Variants in TMEM132B observed in about 807,000 individuals in gnomAD.
TMEM132B encodes the protein transmembrane protein 132B.
A neutral mutation model predicts 90.8 loss-of-function variants in TMEM132B; 18 were observed. The ratio of observed to expected loss-of-function variants is 0.20; its 90% CI spans 0.14 to 0.29. The LOEUF is 0.29. Among genes scored for constraint, TMEM132B ranks in the 10% least tolerant of loss-of-function variants. The pLI, the probability that TMEM132B is intolerant of heterozygous loss-of-function variation, is 1.00. For synonymous variants in TMEM132B, 504 were observed against 523.3 expected, an observed-to-expected ratio of 0.96 and a Z score of 0.50; for missense variants, 1,096 against 1,326.8, an observed-to-expected ratio of 0.83 and a Z score of 2.70.
At chr12:125,316,540 T>A (rs1257389326) in intron 1 of TMEM132B, among the ~76,000 whole-genome samples, 1 of 46,438 alleles carries the variant, frequency 2.2e-5, no homozygotes, top group Non-Finnish European at 3.7e-5. Context: ...AGAGAGGTCC[T>A]ATGTACCTTT....
At chr12:125,637,406 G>A (rs898802667) in intron 5 of TMEM132B, among the ~76,000 whole-genome samples, 5 of 152,182 alleles carry the variant, frequency 3.3e-5, no homozygotes, top group Non-Finnish European at 5.9e-5. Flanking sequence ...TTTTGCCAAG[G>A]TTAAGGACAT....
chr12:125,489,441 C>T (rs1202410701), intron 3 of TMEM132B, among the ~76,000 whole-genome samples: 4 of 151,896 alleles, frequency 2.6e-5, no homozygotes, highest in Non-Finnish European at 5.9e-5. Context: ...GGGTGTCTCA[C>T]TCTTTTGCCC....
At chr12:125,418,340 T>C (rs403592) in intron 3 of TMEM132B, among the ~76,000 whole-genome samples, 5,078 of 152,198 alleles carry the variant, frequency 0.033, 307 homozygotes, top group African/African-American at 0.12. Context: ...ACTCTCACAT[T>C]GTCTCATAAA....
intron 1 of TMEM132B, among the ~76,000 whole-genome samples, chr12:125,245,006 C>T (rs918190114): frequency 3.3e-5 from 5 of 152,176 alleles, no homozygotes; most frequent in African/African-American, 9.7e-5. Flanking sequence ...TCCCAGACAT[C>T]AGTCAGCACC....
chr12:125,221,136 G>T (rs1873547610), intron 1 of TMEM132B, among the ~76,000 whole-genome samples: 1 of 152,196 alleles, frequency 6.6e-6, no homozygotes, highest in South Asian at 2.1e-4. Context: ...TTTCTGTCCA[G>T]CTGATGTGAC....
intron 3 of TMEM132B, among the ~76,000 whole-genome samples, chr12:125,452,606 A>C (rs1034770955): frequency 7.9e-5 from 12 of 152,310 alleles, no homozygotes; most frequent in African/African-American, 2.4e-4. Context: ...GATGCATAGG[A>C]GTTCTCATTT....
rs765586148 is a variant in TMEM132B, at chr12:125,194,269, G to GC, written c.67+7403_67+7404insC. On this transcript the variant is annotated intron_variant, in intron 1 of 8. Transcript: ENST00000682704. ...CGAGCCTGGTCTGAATTAACCCGTT[G>GC]GTGGGGGGGTCTTACTCATTGTGGC... is the stretch of plus-strand genomic sequence containing the variant. 6.3e-3 allele frequency among the ~76,000 whole-genome samples: 594 copies of GC among 93,886 alleles called. 5 individuals carry two copies. The highest frequency in any genetic ancestry group is 0.056 in the East Asian group (101 of 1,800). The allele number at this position is 93,886 out of a possible 152,430, so 61.6% of individuals were successfully genotyped here.
At chr12:125,269,676 C>T (rs11058107) in intron 1 of TMEM132B, among the ~76,000 whole-genome samples, 14,013 of 152,190 alleles carry the variant, frequency 0.092, 2,180 homozygotes, top group African/African-American at 0.32. Flanking sequence ...CGGAGCATGA[C>T]TGATCACTTA....
At chr12:125,195,209 G>C (rs1243530489) in intron 1 of TMEM132B, among the ~76,000 whole-genome samples, 1 of 151,994 alleles carries the variant, frequency 6.6e-6, no homozygotes, top group Non-Finnish European at 1.5e-5. Flanking sequence ...TGTCCGTGGT[G>C]CTGGGGATAT....
chr12:125,473,864 C>T (rs575517043), intron 3 of TMEM132B, among the ~76,000 whole-genome samples: 40 of 152,192 alleles, frequency 2.6e-4, no homozygotes, highest in African/African-American at 9.1e-4. Context: ...ATTTCTTTGC[C>T]TTAGCAAAGC....
intron 3 of TMEM132B, among the ~76,000 whole-genome samples, chr12:125,433,763 C>T (rs1880614622): frequency 6.8e-6 from 1 of 146,366 alleles, no homozygotes. Flanking sequence ...GGCACATATA[C>T]ACCATGGAAT....
chr12:125,270,406 CTTA>C (rs1471236151), intron 1 of TMEM132B, among the ~76,000 whole-genome samples: 1 of 152,122 alleles, frequency 6.6e-6, no homozygotes, highest in East Asian at 1.9e-4. Context: ...ATTTCCTGAA[CTTA>C]TTATGTTAAC....
At chr12:125,513,181 T>C (rs1403152894) in intron 3 of TMEM132B, among the ~76,000 whole-genome samples, 2 of 152,190 alleles carry the variant, frequency 1.3e-5, no homozygotes, top group Non-Finnish European at 2.9e-5. Context: ...CATGCTCCTC[T>C]GAGACCCGCT....
chr12:125,349,365 T>C lies in TMEM132B; in HGVS notation c.68-87T>C, dbSNP rs1877474214. 4 of 1,460,240 alleles carry C rather than the reference T, an allele frequency of 2.7e-6. No homozygotes were observed. Among genetic ancestry groups the C allele is most frequent in the Admixed American group, 2.2e-5 (1 of 45,054 alleles). The allele number at this position is 1,460,240 out of a possible 1,614,324, so 90.5% of individuals were successfully genotyped here. A position where few individuals can be genotyped will look rare whatever the true frequency, so the allele number is the denominator to read the frequency against. On this transcript the variant is annotated intron_variant, in intron 1 of 8. Coordinates refer to ENST00000682704, the MANE Select transcript of TMEM132B (RefSeq NM_001366854.1). This position sits in a 1 kb window ranked among gnomAD's most constrained non-coding sequence, Gnocchi z 4.1. ...GAAACAGTGGCCAGTGGGCGGTTTG[T>C]TGGGGAGGTGGGTGGAGACTGCACT...
chr12:125,316,747 G>C (rs1477074640), intron 1 of TMEM132B, among the ~76,000 whole-genome samples: 2 of 152,170 alleles, frequency 1.3e-5, no homozygotes, highest in Non-Finnish European at 2.9e-5. Context: ...GACACAAAGT[G>C]GGGGGCTGCA....
rs1398694212 is a variant in TMEM132B at position 125,653,800 on chromosome 12, G to A, written c.2342G>A (p.Ser781Asn). Residue 781 changes from serine (S) to asparagine (N), a missense_variant, in exon 9 of 9, where the codon AGT (serine) becomes AAT (asparagine). Physicochemically the swap from Ser to Asn is conservative, Grantham distance 46. Coordinates refer to ENST00000682704, the MANE Select transcript of TMEM132B (RefSeq NM_001366854.1). ...CCTTGTCAGAAGACCAAGAGGAAGA[G>A]TGTTCTTGCCGTGGGTAAAGGAAAT... ...SEPCQKTKRK[S>N]VLAVGKGNVK... 3 of 1,614,222 alleles carry A rather than the reference G, an allele frequency of 1.9e-6. No individual in the cohort carries two copies. The highest frequency in any genetic ancestry group is 3.3e-5 in the Admixed American group (2 of 60,030).
chr12:125,611,837 G>A (rs1885835316), intron 5 of TMEM132B, among the ~76,000 whole-genome samples: 1 of 152,144 alleles, frequency 6.6e-6, no homozygotes, highest in African/African-American at 2.4e-5. Flanking sequence ...ATGGTCTATA[G>A]TGGAGCATTT....
At chr12:125,237,045 G>T (rs1018332889) in intron 1 of TMEM132B, among the ~76,000 whole-genome samples, 2 of 152,238 alleles carry the variant, frequency 1.3e-5, no homozygotes, top group African/African-American at 4.8e-5. Context: ...TCCTAAAGAG[G>T]CATGAAGGAG....
chr12:125,635,210 A>T (rs190010931), intron 5 of TMEM132B, among the ~76,000 whole-genome samples: 1 of 152,194 alleles, frequency 6.6e-6, no homozygotes. Context: ...TTTGTTACAT[A>T]GGTATACATG....
Sources: gnomAD v4.1 joint callset for allele counts (sites outside exome capture counted in the v4.1 genomes callset) on GRCh38, gnomAD v4.1.1 for gene constraint, Gnocchi (gnomAD v3.1) non-coding constraint, MANE v1.5 for transcripts, NCBI Gene and HGNC (gene_info 2026-07-23, HGNC 2026-07-21) for gene names.